ANO4: variants seen among roughly 807,000 people sequenced by gnomAD.
The protein encoded by ANO4 is anoctamin 4.
ANO4 carries 69 observed loss-of-function variants against 141.9 expected under a neutral mutation model. That is an observed-to-expected ratio of 0.49 (90% CI 0.40 to 0.59). ANO4 has a LOEUF of 0.59. Among genes scored for constraint, ANO4 ranks in the 20% least tolerant of loss-of-function variants. ANO4 has a pLI of 0.00. For missense variants in ANO4, 894 were observed against 1,162.2 expected (o/e 0.77, Z 3.36); for synonymous variants, 350 against 394.3 (o/e 0.89, Z 1.33).
intron 14 of ANO4, among the ~76,000 whole-genome samples, chr12:101,070,199 G>C (rs557902286): frequency 1.3e-5 from 2 of 152,150 alleles, no homozygotes; most frequent in Non-Finnish European, 2.9e-5. Flanking sequence ...AAAAGACTCA[G>C]AATAGCCAAA....
intron 3 of ANO4, among the ~76,000 whole-genome samples, chr12:100,927,084 C>G (rs774956099): frequency 6.6e-6 from 1 of 152,052 alleles, no homozygotes; most frequent in Non-Finnish European, 1.5e-5. Context: ...ATTGAGTGAA[C>G]GTGTGGAATC....
chr12:101,083,694 A>T lies in ANO4; in HGVS notation c.1412A>T (p.Gln471Leu). The change falls in exon 16 of 28, where the codon CAG (glutamine) becomes CTG (leucine). Residue 471 changes from glutamine (Q) to leucine (L), a missense_variant. Coordinates refer to ENST00000392977, the MANE Select transcript of ANO4 (RefSeq NM_001286615.2). Reference protein sequence around the residue: ...WEEEEEEIRPQFEAKYSKKER... With the variant: ...WEEEEEEIRPLFEAKYSKKER... ...GTCCTTTAGGAAGAAATACGACCCCAGTTTGAAGCCAAGTATTCCAAGAAA... is the reference window on the plus strand; with the variant it reads ...GTCCTTTAGGAAGAAATACGACCCCTGTTTGAAGCCAAGTATTCCAAGAAA... 2 of 1,608,380 alleles carry T rather than the reference A, an allele frequency of 1.2e-6. No homozygotes were observed. Among genetic ancestry groups the T allele is most frequent in the Non-Finnish European group, 1.7e-6 (2 of 1,178,724 alleles).
intron 22 of ANO4, 43 bp downstream of exon 22, chr12:101,099,763 G>T (rs1392110179): frequency 7.5e-6 from 11 of 1,457,536 alleles, no homozygotes; most frequent in Non-Finnish European, 9.1e-7. Flanking sequence ...ATAAATTTTA[G>T]ATCTCCAGGT....
chr12:100,910,335 A>G (rs944982673), intron 2 of ANO4, among the ~76,000 whole-genome samples: 5 of 152,166 alleles, frequency 3.3e-5, no homozygotes, highest in African/African-American at 9.7e-5. Context: ...GCAGTTTCCC[A>G]GTTAACTTGT....
intron 27 of ANO4, 53 bp downstream of exon 27, chr12:101,127,127 CT>C: frequency 1.3e-6 from 2 of 1,509,560 alleles, no homozygotes; most frequent in Admixed American, 4.0e-5. Flanking sequence ...TGAATGGGTG[CT>C]TTAAACTCCC....
At chr12:100,795,641 C>T (rs2034261020) in intron 1 of ANO4, among the ~76,000 whole-genome samples, 1 of 152,164 alleles carries the variant, frequency 6.6e-6, no homozygotes, top group African/African-American at 2.4e-5. Flanking sequence ...TTGCTTCTTT[C>T]CCTTCTGAGT....
chr12:101,050,020 G>A (rs958770895), intron 14 of ANO4, among the ~76,000 whole-genome samples: 2 of 152,144 alleles, frequency 1.3e-5, no homozygotes, highest in African/African-American at 2.4e-5. Flanking sequence ...AAAATACAGA[G>A]GGCAGGAGGG....
intron 13 of ANO4, among the ~76,000 whole-genome samples, chr12:101,045,575 C>G (rs1000103992): frequency 6.6e-6 from 1 of 152,172 alleles, no homozygotes; most frequent in Non-Finnish European, 1.5e-5. Flanking sequence ...GGGATCTAGT[C>G]CAATCAGTGG....
intron 3 of ANO4, among the ~76,000 whole-genome samples, chr12:100,932,417 T>C (rs1566025215): frequency 6.6e-6 from 1 of 152,028 alleles, no homozygotes; most frequent in African/African-American, 2.4e-5. Context: ...TTCTCTTGCC[T>C]GGAAGTGTGA....
intron 13 of ANO4, among the ~76,000 whole-genome samples, chr12:101,045,743 C>T (rs2047599816): frequency 6.6e-6 from 1 of 152,156 alleles, no homozygotes; most frequent in Admixed American, 6.5e-5. Flanking sequence ...GGCCTCACAG[C>T]CTGGAACTGT....
chr12:100,917,197 A>T (rs1191176998), intron 2 of ANO4, among the ~76,000 whole-genome samples: 1 of 152,072 alleles, frequency 6.6e-6, no homozygotes, highest in African/African-American at 2.4e-5. Context: ...ATTTTTTTTT[A>T]ATTGGTCAAT....
intron 5 of ANO4, among the ~76,000 whole-genome samples, chr12:100,947,698 C>T: frequency 6.6e-6 from 1 of 152,132 alleles, no homozygotes; most frequent in East Asian, 1.9e-4. Flanking sequence ...ATTACATTAT[C>T]AAAATTTTTA....
chr12:100,834,937 G>T (rs1034770073), intron 1 of ANO4, among the ~76,000 whole-genome samples: 1 of 152,100 alleles, frequency 6.6e-6, no homozygotes, highest in Non-Finnish European at 1.5e-5. Flanking sequence ...CCAGCCTAGA[G>T]GTCATTGCAG....
Position 100,989,259 on chromosome 12 carries a change from G to C in ANO4, c.734+1589G>C, listed in dbSNP as rs1328331037. ...TCAAGAGAAAGTGGGAACTGGAAGGGACATAATGTTAATTCAGAGATCAGG... is the reference window on the plus strand; with the variant it reads ...TCAAGAGAAAGTGGGAACTGGAAGGCACATAATGTTAATTCAGAGATCAGG... On this transcript the variant is annotated intron_variant, in intron 8 of 27. Transcript: ENST00000392977. Among the ~76,000 whole-genome samples the C allele has an allele frequency of 2.0e-5, 3 of 152,160 alleles. No homozygotes were observed. The East Asian group carries it at 5.8e-4, about 29-fold the overall frequency.
chr12:100,762,500 G>A (rs149348525), intron 3 of ANO4, among the ~76,000 whole-genome samples: 1 of 152,204 alleles, frequency 6.6e-6, no homozygotes, highest in African/African-American at 2.4e-5. Flanking sequence ...GAAAAGCAAG[G>A]CTCCCCTGGC....
intron 1 of ANO4, among the ~76,000 whole-genome samples, chr12:100,806,605 CG>C (rs1367290808): frequency 1.7e-5 from 2 of 120,808 alleles, no homozygotes; most frequent in African/African-American, 6.2e-5. Flanking sequence ...AGTGCCGTGG[CG>C]TGATCTCGGC....
chr12:100,868,867 C>T (rs568704921), intron 1 of ANO4, among the ~76,000 whole-genome samples: 1 of 152,320 alleles, frequency 6.6e-6, no homozygotes, highest in African/African-American at 2.4e-5. Context: ...GTATTCTTGC[C>T]AAAGGCTGAT....
chr12:101,109,985 C>T (rs958081103), intron 22 of ANO4, among the ~76,000 whole-genome samples: 3 of 152,188 alleles, frequency 2.0e-5, no homozygotes, highest in South Asian at 2.1e-4. Context: ...CAGATTTGGC[C>T]GTTAGGGGTG....
intron 7 of ANO4, among the ~76,000 whole-genome samples, chr12:100,976,430 T>G (rs2044197443): frequency 6.6e-6 from 1 of 152,240 alleles, no homozygotes; most frequent in Non-Finnish European, 1.5e-5. Flanking sequence ...ACATGACATT[T>G]GGATTCACCA....
Sources: allele counts gnomAD v4.1 joint callset (sites outside exome capture counted in the v4.1 genomes callset), GRCh38; gene constraint gnomAD v4.1.1; transcripts MANE v1.5; gene names NCBI Gene and HGNC (gene_info 2026-07-23, HGNC 2026-07-21).